Variants in RASGEF1C observed in about 807,000 individuals in gnomAD.
RASGEF1C encodes the protein RasGEF domain family member 1C.
Under a neutral mutation model 58.1 loss-of-function variants are expected in RASGEF1C, and 27 were observed. The observed-to-expected ratio is 0.46, with a 90% confidence interval of 0.34 to 0.64. RASGEF1C has a LOEUF of 0.64. RASGEF1C is among the 30% of genes least tolerant of loss of function. RASGEF1C has a pLI of 0.01. For missense variants in RASGEF1C, 502 were observed against 605.1 expected (o/e 0.83, Z 1.79); for synonymous variants, 243 against 246.3 (o/e 0.99, Z 0.13).
At chr5:180,189,240 A>C (rs925025737) in intron 1 of RASGEF1C, among the ~76,000 whole-genome samples, 5 of 152,274 alleles carry the variant, frequency 3.3e-5, no homozygotes, top group African/African-American at 1.2e-4. Context: ...AAAGATGTAC[A>C]AGGGCTGTAG....
intron 12 of RASGEF1C, among the ~76,000 whole-genome samples, chr5:180,106,356 A>G (rs967752070): frequency 1.7e-4 from 26 of 151,868 alleles, no homozygotes; most frequent in African/African-American, 6.1e-4. Context: ...CTTTTTCTAG[A>G]TTCTTGATGT....
At chr5:180,126,198 G>C (rs918601721) in intron 6 of RASGEF1C, among the ~76,000 whole-genome samples, 2 of 152,178 alleles carry the variant, frequency 1.3e-5, no homozygotes, top group East Asian at 3.9e-4. Flanking sequence ...ACAAGGTCAG[G>C]AGATCGAGAC....
chr5:180,177,089 C>T lies in RASGEF1C; in HGVS notation c.-7+31939G>A, dbSNP rs150098796. Among the ~76,000 whole-genome samples, 962 of 152,224 alleles carry T rather than the reference C, an allele frequency of 6.3e-3. 10 individuals are homozygous for T. The highest frequency in any genetic ancestry group is 0.014 in the Middle Eastern group (4 of 294). The stretch of plus-strand genomic sequence containing the variant: ...GGTTTCCAAGGGACGGCAACTTTTG[C>T]CAGCATGGAGGAGGACCAGGGTGAG... On this transcript the variant is annotated intron_variant, in intron 1 of 13. Transcript: ENST00000361132. The surrounding 1 kb of genome is among the most constrained non-coding windows in gnomAD (Gnocchi z 5.0).
At chr5:180,118,926 C>G in intron 8 of RASGEF1C, 60 bp from the exon 9 acceptor site, 8 of 1,490,644 alleles carry the variant, frequency 5.4e-6, no homozygotes, top group Non-Finnish European at 7.5e-6. Flanking sequence ...CTCTGCGTAG[C>G]TGCACCCCCT....
chr5:180,152,244 A>G (rs1206781052), intron 1 of RASGEF1C, among the ~76,000 whole-genome samples: 1 of 152,182 alleles, frequency 6.6e-6, no homozygotes, highest in Non-Finnish European at 1.5e-5. Context: ...GTTATAAATC[A>G]TGCTGCTATT....
chr5:180,119,318 G>C (rs1766127432), intron 8 of RASGEF1C, 28 bp downstream of exon 8: 1 of 1,579,748 alleles, frequency 6.3e-7, no homozygotes, highest in Admixed American at 1.7e-5. Context: ...CGTGCACTGG[G>C]GGCCACAGGC....
chr5:180,135,779 C>G (rs1473993461), intron 4 of RASGEF1C, among the ~76,000 whole-genome samples: 3 of 152,242 alleles, frequency 2.0e-5, no homozygotes, highest in African/African-American at 7.2e-5. Context: ...GCCGTGTTTA[C>G]CTGGTGTGGT....
chr5:180,202,128 A>G (rs1283733053), intron 1 of RASGEF1C, among the ~76,000 whole-genome samples: 1 of 152,236 alleles, frequency 6.6e-6, no homozygotes, highest in Non-Finnish European at 1.5e-5. Flanking sequence ...TCATCTCAGA[A>G]ATGAAGACTG....
chr5:180,120,371 C>T (rs1487597481), intron 7 of RASGEF1C, among the ~76,000 whole-genome samples: 1 of 152,226 alleles, frequency 6.6e-6, no homozygotes, highest in Non-Finnish European at 1.5e-5. Flanking sequence ...CTCTACTCTT[C>T]TCCGCAGGTG....
intron 4 of RASGEF1C, among the ~76,000 whole-genome samples, chr5:180,130,853 C>T (rs1766354603): frequency 6.6e-6 from 1 of 152,160 alleles, no homozygotes; most frequent in Non-Finnish European, 1.5e-5. Context: ...CGTCATATGG[C>T]CCATGGTCCT....
At chr5:180,205,287 C>T (rs776877207) in intron 1 of RASGEF1C, among the ~76,000 whole-genome samples, 16 of 151,750 alleles carry the variant, frequency 1.1e-4, no homozygotes, top group Non-Finnish European at 1.5e-4. Context: ...ATAACATACA[C>T]GAAACAGTAG....
chr5:180,176,757 C>A (rs919716818), intron 1 of RASGEF1C, among the ~76,000 whole-genome samples: 3 of 152,188 alleles, frequency 2.0e-5, no homozygotes, highest in South Asian at 2.1e-4. Flanking sequence ...GGGGTTTCAC[C>A]ATGTTGGCCA....
chr5:180,103,140 C>T (rs547383010), intron 12 of RASGEF1C, among the ~76,000 whole-genome samples: 54 of 152,270 alleles, frequency 3.5e-4, no homozygotes, highest in South Asian at 1.9e-3. Context: ...TGCAGTGGCG[C>T]GATCTCGGCT....
chr5:180,195,386 C>T (rs1273284964), intron 1 of RASGEF1C, among the ~76,000 whole-genome samples: 1 of 152,206 alleles, frequency 6.6e-6, no homozygotes, highest in East Asian at 1.9e-4. Flanking sequence ...GACACGGGAA[C>T]TCCTTACAAC....
Position 180,101,358 on chromosome 5 carries a change from G to T in RASGEF1C, c.*143C>A. The T allele has an allele frequency of 1.2e-6, 1 of 850,882 alleles. No homozygotes were observed. The highest frequency in any genetic ancestry group is 1.8e-6 in the Non-Finnish European group (1 of 563,486). 52.7% of individuals were successfully genotyped at this position (850,882 alleles called of 1,614,324 possible). A position where few individuals can be genotyped will look rare whatever the true frequency, so the allele number is the denominator to read the frequency against. ...GTGCCCGTATGGCCACTGTGGGGGG[G>T]GGGGGGGCGGGCAGCAGGCCACAGG... On this transcript the variant is annotated 3_prime_UTR_variant, in exon 14 of 14. Transcript: ENST00000361132.
chr5:180,147,335 T>A (rs1766673639), intron 1 of RASGEF1C, among the ~76,000 whole-genome samples: 1 of 152,082 alleles, frequency 6.6e-6, no homozygotes, highest in African/African-American at 2.4e-5. Flanking sequence ...TTTCCCTCCT[T>A]CTGCTAGCTT....
At chr5:180,165,908 C>T (rs1347955887) in intron 1 of RASGEF1C, among the ~76,000 whole-genome samples, 2 of 151,440 alleles carry the variant, frequency 1.3e-5, no homozygotes, top group Non-Finnish European at 2.9e-5. Context: ...TGCCATGACA[C>T]CCGGCTCATT....
chr5:180,163,144 T>G (rs1482566550), intron 1 of RASGEF1C, among the ~76,000 whole-genome samples: 2 of 151,878 alleles, frequency 1.3e-5, no homozygotes, highest in Non-Finnish European at 2.9e-5. Flanking sequence ...ATTTTCTAGG[T>G]AGAAAATTAT....
intron 6 of RASGEF1C, among the ~76,000 whole-genome samples, 169 bp from the exon 7 acceptor site, chr5:180,121,318 A>ATT (rs34192976): frequency 0.023 from 3,430 of 147,854 alleles, 148 homozygotes; most frequent in African/African-American, 0.08. Context: ...TTAAAAGTAC[A>ATT]TTTTTTTTTT....
Sources: gnomAD v4.1 joint callset for allele counts (sites outside exome capture counted in the v4.1 genomes callset) on GRCh38, gnomAD v4.1.1 for gene constraint, Gnocchi (gnomAD v3.1) non-coding constraint, MANE v1.5 for transcripts, NCBI Gene and HGNC (gene_info 2026-07-23, HGNC 2026-07-21) for gene names.